The following BTAF1 variants were observed in gnomAD, a reference collection of about 807,000 sequenced individuals.
BTAF1 encodes the protein B-TFIID TATA-box binding protein associated factor 1.
A neutral mutation model predicts 227.1 loss-of-function variants in BTAF1; 38 were observed. That is an observed-to-expected ratio of 0.17 (90% CI 0.13 to 0.22). The LOEUF is 0.22. Among genes scored for constraint, BTAF1 ranks in the 10% least tolerant of loss-of-function variants. The pLI is 1.00. For missense variants in BTAF1, 1,598 were observed against 2,204.0 expected, an observed-to-expected ratio of 0.73 and a Z score of 5.51; for synonymous variants, 742 against 751.9, an observed-to-expected ratio of 0.99 and a Z score of 0.21.
At position 92,029,544 on chromosome 10, in the gene BTAF1, CA is replaced by C. The variant is rs1478510654; in HGVS notation, c.*613del. On this transcript the variant is annotated 3_prime_UTR_variant, in exon 38 of 38. Transcript: ENST00000265990. ...TTTTTCAACTTTTAAGATATAATAT[CA>C]ACTATTCTAAATACAGGTAATGGTA... is the stretch of plus-strand genomic sequence containing the variant. The C allele has an allele frequency of 1.3e-5, 2 of 151,694 alleles. No homozygotes were observed. Among genetic ancestry groups the C allele is most frequent in the Non-Finnish European group, 2.9e-5 (2 of 67,846 alleles). The allele number at this position is 151,694 out of a possible 1,614,324, so 9.4% of individuals were successfully genotyped here.
chr10:91,997,615 A>G lies in BTAF1; in HGVS notation c.3524A>G (p.Gln1175Arg), dbSNP rs939273115. 3.1e-6 allele frequency: 5 copies of G among 1,613,608 alleles called. No homozygotes were observed. The highest frequency in any genetic ancestry group is 4.2e-6 in the Non-Finnish European group (5 of 1,179,756). The change falls in exon 25 of 38, where the codon CAA becomes CGA. Residue 1175 changes from glutamine to arginine, a missense_variant. By Grantham distance (43) the Gln-to-Arg change is conservative (BLOSUM62 1). Transcript: ENST00000265990. ...AIEALACVME[Q>R]LDVGIVPYIV... is the part of the protein sequence containing the mutation. Reference sequence around the variant, plus strand: ...ATCACTTACTCAGGTGTAATGGAACAACTAGATGTTGGTATTGTTCCATAT... The same window carrying G: ...ATCACTTACTCAGGTGTAATGGAACGACTAGATGTTGGTATTGTTCCATAT...
intron 11 of BTAF1, 111 bp from the exon 12 acceptor site, chr10:91,962,427 G>T: frequency 1.3e-5 from 9 of 714,706 alleles, no homozygotes; most frequent in Middle Eastern, 3.9e-4. Context: ...AGCAGTGCAT[G>T]ACTATAAATA....
chr10:92,011,985 GAGA>G (rs2134118220), intron 30 of BTAF1, among the ~76,000 whole-genome samples: 1 of 151,610 alleles, frequency 6.6e-6, no homozygotes, highest in East Asian at 2.0e-4. Flanking sequence ...ATTCTCAGTA[GAGA>G]AGTAGACACC....
intron 1 of BTAF1, among the ~76,000 whole-genome samples, chr10:91,924,308 C>G (rs552269820): frequency 1.3e-5 from 2 of 152,212 alleles, no homozygotes; most frequent in South Asian, 2.1e-4. Flanking sequence ...TGTTAATAGA[C>G]CCCTTGGCAC....
intron 1 of BTAF1, among the ~76,000 whole-genome samples, chr10:91,929,679 A>G (rs1844139944): frequency 6.6e-6 from 1 of 152,280 alleles, no homozygotes; most frequent in South Asian, 2.1e-4. Flanking sequence ...ATAAAGGACA[A>G]CACAGGTTTT....
At chr10:91,953,676 A>G in intron 5 of BTAF1, 61 bp from the exon 6 acceptor site, 1 of 1,553,114 alleles carries the variant, frequency 6.4e-7, no homozygotes, top group South Asian at 1.2e-5. Context: ...TCTGAGGCTG[A>G]GACTATAGGT....
intron 5 of BTAF1, 28 bp from the exon 6 acceptor site, chr10:91,953,708 TC>T: frequency 1.2e-6 from 2 of 1,603,824 alleles, no homozygotes; most frequent in South Asian, 1.1e-5. Flanking sequence ...TTTCAAAAGT[TC>T]CAACTCAGCA....
intron 14 of BTAF1, among the ~76,000 whole-genome samples, chr10:91,979,013 G>A (rs1019256883): frequency 3.3e-5 from 5 of 151,742 alleles, no homozygotes. Context: ...AGTGTCTTTT[G>A]TTCCTCTCTT....
chr10:91,991,256 A>G (rs1213665456), intron 20 of BTAF1, among the ~76,000 whole-genome samples: 10 of 86,956 alleles, frequency 1.2e-4, no homozygotes, highest in Non-Finnish European at 2.3e-4. Flanking sequence ...AAAAAAATAT[A>G]TAAATATAAA....
chr10:91,959,501 A>G (rs1262071055), intron 9 of BTAF1, among the ~76,000 whole-genome samples: 1 of 152,030 alleles, frequency 6.6e-6, no homozygotes, highest in African/African-American at 2.4e-5. Flanking sequence ...AATTTTAAGA[A>G]TTGTGATATA....
At chr10:91,946,211 T>C (rs1051923334) in intron 4 of BTAF1, among the ~76,000 whole-genome samples, 2 of 152,160 alleles carry the variant, frequency 1.3e-5, no homozygotes, top group Admixed American at 6.5e-5. Flanking sequence ...ATACAAAAAT[T>C]AGCCAGGCGT....
intron 4 of BTAF1, among the ~76,000 whole-genome samples, chr10:91,944,180 A>G (rs1242989445): frequency 2.0e-5 from 3 of 151,540 alleles, no homozygotes; most frequent in Non-Finnish European, 2.9e-5. Context: ...GAAAAGTCCT[A>G]TAGGTGATTC....
At chr10:92,003,058 AG>A (rs1237913757) in intron 25 of BTAF1, among the ~76,000 whole-genome samples, 1 of 151,542 alleles carries the variant, frequency 6.6e-6, no homozygotes, top group African/African-American at 2.4e-5. Flanking sequence ...TCAGGAGGCT[AG>A]GCAGGAGAAT....
At chr10:92,010,379 TTC>T (rs1259495419) in intron 28 of BTAF1, among the ~76,000 whole-genome samples, 1 of 152,218 alleles carries the variant, frequency 6.6e-6, no homozygotes, top group African/African-American at 2.4e-5. Context: ...CAATATTCAA[TTC>T]TGTTAGCTTA....
intron 20 of BTAF1, among the ~76,000 whole-genome samples, chr10:91,991,028 C>T (rs992210153): frequency 1.0e-4 from 15 of 150,592 alleles, no homozygotes; most frequent in African/African-American, 3.7e-4. Context: ...GGGTGGATCA[C>T]GAGGTCAGAA....
intron 15 of BTAF1, 32 bp downstream of exon 15, chr10:91,980,590 C>T (rs746414075): frequency 3.2e-6 from 5 of 1,539,808 alleles, no homozygotes; most frequent in South Asian, 2.3e-5. Context: ...GTTCCTTTTC[C>T]TAGTAACTTT....
chr10:91,981,182 A>T (rs558064182), intron 15 of BTAF1, among the ~76,000 whole-genome samples: 1 of 152,270 alleles, frequency 6.6e-6, no homozygotes, highest in African/African-American at 2.4e-5. Context: ...AAGGTACCTT[A>T]TCCTTATTAA....
intron 13 of BTAF1, among the ~76,000 whole-genome samples, chr10:91,966,200 A>C (rs4933707): frequency 0.32 from 48,531 of 152,066 alleles, 8,874 homozygotes; most frequent in South Asian, 0.52. Context: ...CAGAGATGGC[A>C]CCAAAGGGAG....
At chr10:92,015,776 A>C (rs528494993) in intron 32 of BTAF1, among the ~76,000 whole-genome samples, 34 of 152,276 alleles carry the variant, frequency 2.2e-4, no homozygotes, top group African/African-American at 7.7e-4. Context: ...TCTGTCCTTT[A>C]GCTCTCTAGA....
Sources: allele counts gnomAD v4.1 joint callset (sites outside exome capture counted in the v4.1 genomes callset), GRCh38; gene constraint gnomAD v4.1.1; transcripts MANE v1.5; gene names NCBI Gene and HGNC (gene_info 2026-07-23, HGNC 2026-07-21).